WWOX: variants seen among roughly 807,000 people sequenced by gnomAD.
WWOX encodes the protein WW domain containing oxidoreductase.
WWOX carries 69 observed loss-of-function variants against 46.2 expected under a neutral mutation model. The observed-to-expected ratio is 1.49, with a 90% CI of 1.23 to 1.82. WWOX has a LOEUF of 1.82. WWOX is among the 40% of genes most tolerant of loss of function. WWOX has a pLI of 0.00. For missense variants in WWOX, 919 were observed against 542.6 expected, an observed-to-expected ratio of 1.69 and a Z score of -6.89; for synonymous variants, 359 against 202.6, an observed-to-expected ratio of 1.77 and a Z score of -6.56.
intron 8 of WWOX, among the ~76,000 whole-genome samples, chr16:78,615,946 T>G (rs1264577248): frequency 6.6e-6 from 1 of 152,076 alleles, no homozygotes. Context: ...GAGACAGGGT[T>G]TCACTGTGTT....
At chr16:78,815,839 G>T (rs1433576222) in intron 8 of WWOX, among the ~76,000 whole-genome samples, 1 of 152,172 alleles carries the variant, frequency 6.6e-6, no homozygotes, top group African/African-American at 2.4e-5. Context: ...AGTCCATGCT[G>T]ACATCTGGCT....
intron 8 of WWOX, among the ~76,000 whole-genome samples, chr16:78,443,147 A>C (rs1296126803): frequency 3.3e-5 from 5 of 150,306 alleles, no homozygotes; most frequent in African/African-American, 1.2e-4. Flanking sequence ...AAAAAAAAAA[A>C]AAAAAAAAAA....
chr16:79,093,661 C>T (rs1291691735), intron 8 of WWOX, among the ~76,000 whole-genome samples: 1 of 152,186 alleles, frequency 6.6e-6, no homozygotes, highest in Non-Finnish European at 1.5e-5. Flanking sequence ...ACTTTTACCG[C>T]ACACTTCCTG....
intron 8 of WWOX, among the ~76,000 whole-genome samples, chr16:78,659,330 C>G (rs529386167): frequency 6.6e-6 from 1 of 152,038 alleles, no homozygotes; most frequent in African/African-American, 2.4e-5. Context: ...TCCTAACCAT[C>G]GCGCCTGGGG....
At chr16:78,523,333 C>T (rs574046785) in intron 8 of WWOX, among the ~76,000 whole-genome samples, 1 of 152,206 alleles carries the variant, frequency 6.6e-6, no homozygotes, top group African/African-American at 2.4e-5. Context: ...GGATCCCCTG[C>T]TGTACCCAGC....
intron 8 of WWOX, among the ~76,000 whole-genome samples, chr16:78,621,596 T>TC (rs2046187170): frequency 4.4e-5 from 3 of 67,646 alleles, no homozygotes; most frequent in Non-Finnish European, 8.6e-5. Flanking sequence ...TCTAATCTTT[T>TC]TTTTTTTTTT....
At chr16:78,431,615 G>A (rs1443695708) in intron 7 of WWOX, among the ~76,000 whole-genome samples, 1 of 151,724 alleles carries the variant, frequency 6.6e-6, no homozygotes, top group African/African-American at 2.4e-5. Flanking sequence ...TAGAGGGTGG[G>A]GAGAGAGTTC....
At chr16:78,672,940 C>T (rs1464685908) in intron 8 of WWOX, among the ~76,000 whole-genome samples, 1 of 152,208 alleles carries the variant, frequency 6.6e-6, no homozygotes, top group Non-Finnish European at 1.5e-5. Context: ...TGGCGGTGAC[C>T]TTGTGCAATC....
At chr16:78,301,237 G>C (rs2080035874) in intron 5 of WWOX, among the ~76,000 whole-genome samples, 1 of 152,138 alleles carries the variant, frequency 6.6e-6, no homozygotes, top group Admixed American at 6.5e-5. Context: ...TTCACAAATT[G>C]TCTTTTATAG....
chr16:79,120,599 G>T (rs2049609596), intron 8 of WWOX, among the ~76,000 whole-genome samples: 1 of 152,196 alleles, frequency 6.6e-6, no homozygotes, highest in Non-Finnish European at 1.5e-5. Flanking sequence ...CCAGACGTCT[G>T]AAATTGACAC....
intron 8 of WWOX, among the ~76,000 whole-genome samples, chr16:79,145,256 A>C (rs369706227): frequency 5.9e-5 from 9 of 152,358 alleles, no homozygotes; most frequent in Admixed American, 3.3e-4. Flanking sequence ...CCAAAAAAGC[A>C]TTTGCTCAAA....
At chr16:78,861,460 G>T (rs1411667185) in intron 8 of WWOX, among the ~76,000 whole-genome samples, 1 of 152,152 alleles carries the variant, frequency 6.6e-6, no homozygotes, top group Non-Finnish European at 1.5e-5. Context: ...ATTATTACAT[G>T]TGGCCATTGT....
At chr16:78,846,402 C>T (rs183475342) in intron 8 of WWOX, among the ~76,000 whole-genome samples, 1 of 152,234 alleles carries the variant, frequency 6.6e-6, no homozygotes, top group Admixed American at 6.5e-5. Context: ...CTCCAGTCCC[C>T]TCTGGTCTGG....
At chr16:78,925,787 C>T (rs1156534175) in intron 8 of WWOX, among the ~76,000 whole-genome samples, 1 of 152,118 alleles carries the variant, frequency 6.6e-6, no homozygotes, top group Non-Finnish European at 1.5e-5. Context: ...GAGGCTTTGG[C>T]CAATAAGAAA....
At chr16:78,380,423 A>T (rs903685728) in intron 5 of WWOX, among the ~76,000 whole-genome samples, 48 of 152,132 alleles carry the variant, frequency 3.2e-4, no homozygotes, top group African/African-American at 1.1e-3. Context: ...TGCTATAGGG[A>T]TAAATAACTG....
At chr16:78,953,810 C>T (rs2046111145) in intron 8 of WWOX, among the ~76,000 whole-genome samples, 2 of 152,210 alleles carry the variant, frequency 1.3e-5, no homozygotes, top group Non-Finnish European at 2.9e-5. Flanking sequence ...CCCTGAGGTT[C>T]GCAGCTGGGC....
chr16:78,528,267 G>T (rs969637903), intron 8 of WWOX, among the ~76,000 whole-genome samples: 1 of 146,604 alleles, frequency 6.8e-6, no homozygotes, highest in Non-Finnish European at 1.5e-5. Context: ...GCCCACCTCG[G>T]CCTCACAAAG....
At chr16:78,805,119 A>G (rs1487837356) in intron 8 of WWOX, among the ~76,000 whole-genome samples, 1 of 151,150 alleles carries the variant, frequency 6.6e-6, no homozygotes, top group Non-Finnish European at 1.5e-5. Flanking sequence ...CACTACCAAA[A>G]TATCAAAATT....
At chr16:78,351,853 C>T (rs2081190551) in intron 5 of WWOX, among the ~76,000 whole-genome samples, 1 of 152,160 alleles carries the variant, frequency 6.6e-6, no homozygotes. Flanking sequence ...GACGTAGTTT[C>T]ACCATGTTGG....
Sources: gnomAD v4.1 joint callset for allele counts (sites outside exome capture counted in the v4.1 genomes callset) on GRCh38, gnomAD v4.1.1 for gene constraint, MANE v1.5 for transcripts, NCBI Gene and HGNC (gene_info 2026-07-23, HGNC 2026-07-21) for gene names.